The following IQCJ variants were observed in gnomAD, a reference collection of about 807,000 sequenced individuals.
IQCJ encodes the protein IQ domain-containing protein J.
IQCJ carries 9 observed loss-of-function variants against 11.0 expected under a neutral mutation model. That is an observed-to-expected ratio of 0.82 (90% confidence interval 0.49 to 1.43). IQCJ has a LOEUF of 1.43. IQCJ is among the 40% of genes most tolerant of loss of function. The pLI, the probability that IQCJ is intolerant of heterozygous loss-of-function variation, is 0.00. For missense variants in IQCJ, 146 were observed against 133.2 expected (o/e 1.10, Z -0.47); for synonymous variants, 55 against 51.3 (o/e 1.07, Z -0.31).
chr3:159,108,703 C>T (rs1718425645), intron 1 of IQCJ, among the ~76,000 whole-genome samples: 1 of 152,116 alleles, frequency 6.6e-6, no homozygotes, highest in African/African-American at 2.4e-5. Flanking sequence ...AAATTTCATC[C>T]CCCAAGACTG....
At chr3:159,252,646 T>A in intron 2 of IQCJ, 81 bp from the exon 3 acceptor site, 1 of 1,221,496 alleles carries the variant, frequency 8.2e-7, no homozygotes. Flanking sequence ...ATTTTACACA[T>A]AAGTATAAAT....
chr3:159,092,576 T>C (rs138888529), intron 1 of IQCJ, among the ~76,000 whole-genome samples: 5,125 of 151,608 alleles, frequency 0.034, 168 homozygotes, highest in Middle Eastern at 0.1. Context: ...CAGGCATCTG[T>C]AGTCCCAGCT....
intron 1 of IQCJ, among the ~76,000 whole-genome samples, chr3:159,198,990 C>A (rs777048116): frequency 6.6e-6 from 1 of 152,166 alleles, no homozygotes; most frequent in Non-Finnish European, 1.5e-5. Flanking sequence ...AAGAAATATT[C>A]ACTTAGAATA....
chr3:159,259,682 A>G (rs1368569025), intron 3 of IQCJ, among the ~76,000 whole-genome samples: 8 of 152,232 alleles, frequency 5.3e-5, no homozygotes, highest in Non-Finnish European at 1.2e-4. Context: ...ACATGTAAAC[A>G]CTTTTCTATG....
intron 1 of IQCJ, among the ~76,000 whole-genome samples, chr3:159,101,722 A>G (rs746121856): frequency 2.6e-5 from 4 of 152,168 alleles, no homozygotes; most frequent in Non-Finnish European, 5.9e-5. Context: ...CTTTGTGTTC[A>G]GGTTTCACCA....
chr3:159,095,470 T>TACTC (rs1254383063), intron 1 of IQCJ, among the ~76,000 whole-genome samples: 58 of 137,592 alleles, frequency 4.2e-4, no homozygotes, highest in African/African-American at 1.4e-3. Context: ...CCCACTAGTG[T>TACTC]GTCATCTAGC....
chr3:159,116,557 C>T (rs1446737326), intron 1 of IQCJ, among the ~76,000 whole-genome samples: 1 of 142,798 alleles, frequency 7.0e-6, no homozygotes, highest in Non-Finnish European at 1.5e-5. Flanking sequence ...AATCTGTTAA[C>T]ATGCATTTCT....
At chr3:159,085,070 C>A (rs1371692457) in intron 1 of IQCJ, among the ~76,000 whole-genome samples, 1 of 151,772 alleles carries the variant, frequency 6.6e-6, no homozygotes, top group Admixed American at 6.6e-5. Flanking sequence ...CTCCCCTCTC[C>A]CCCCACCCCA....
At chr3:159,141,489 A>C (rs1037642355) in intron 1 of IQCJ, among the ~76,000 whole-genome samples, 6 of 152,234 alleles carry the variant, frequency 3.9e-5, no homozygotes, top group Admixed American at 3.3e-4. Flanking sequence ...GAATTTTGAC[A>C]ATCAAGATGA....
chr3:159,139,988 A>C (rs1178505089), intron 1 of IQCJ, among the ~76,000 whole-genome samples: 2 of 152,154 alleles, frequency 1.3e-5, no homozygotes, highest in Non-Finnish European at 2.9e-5. Context: ...TTTTTTAAAA[A>C]ATTTAAATAG....
At chr3:159,117,281 T>A (rs149401079) in intron 1 of IQCJ, among the ~76,000 whole-genome samples, 102 of 152,300 alleles carry the variant, frequency 6.7e-4, no homozygotes, top group African/African-American at 2.3e-3. Context: ...CTATTTCCAT[T>A]GCTGGAGATG....
At chr3:159,258,513 C>A (rs1029837474) in intron 3 of IQCJ, among the ~76,000 whole-genome samples, 1 of 152,064 alleles carries the variant, frequency 6.6e-6, no homozygotes, top group African/African-American at 2.4e-5. Flanking sequence ...AATCATGGTG[C>A]CTCCCTCACA....
intron 1 of IQCJ, among the ~76,000 whole-genome samples, chr3:159,222,229 A>C (rs1300933217): frequency 1.3e-5 from 2 of 152,186 alleles, no homozygotes; most frequent in South Asian, 4.1e-4. Context: ...ACAGTAGCCA[A>C]GATACAGAAA....
chr3:159,151,452 C>T (rs977937690), intron 1 of IQCJ, among the ~76,000 whole-genome samples: 1 of 152,210 alleles, frequency 6.6e-6, no homozygotes, highest in Admixed American at 6.5e-5. Flanking sequence ...GCTGGACAGC[C>T]TGTCTTTCTT....
At chr3:159,206,545 C>G (rs921241181) in intron 1 of IQCJ, among the ~76,000 whole-genome samples, 1 of 152,140 alleles carries the variant, frequency 6.6e-6, no homozygotes, top group Non-Finnish European at 1.5e-5. Context: ...CAGGGTCTCT[C>G]TCCTTGAAAC....
At chr3:159,137,107 C>T (rs1463666557) in intron 1 of IQCJ, among the ~76,000 whole-genome samples, 2 of 151,966 alleles carry the variant, frequency 1.3e-5, no homozygotes, top group South Asian at 2.1e-4. Flanking sequence ...ACTAAAAATA[C>T]AAGAATTAGC....
intron 1 of IQCJ, among the ~76,000 whole-genome samples, chr3:159,187,561 G>A (rs1383860693): frequency 2.0e-5 from 3 of 152,212 alleles, no homozygotes; most frequent in Admixed American, 6.5e-5. Flanking sequence ...GCGGTCAGGC[G>A]GCCACAAGCC....
At chr3:159,253,851 A>T (rs1300658126) in intron 3 of IQCJ, among the ~76,000 whole-genome samples, 2 of 152,256 alleles carry the variant, frequency 1.3e-5, no homozygotes, top group African/African-American at 2.4e-5. Context: ...GAAATCACAC[A>T]AATACATAAT....
At chr3:159,151,353 A>G (rs551864049) in intron 1 of IQCJ, among the ~76,000 whole-genome samples, 133 of 152,186 alleles carry the variant, frequency 8.7e-4, no homozygotes, top group Non-Finnish European at 1.7e-3. Flanking sequence ...TCTAGAATCC[A>G]GCCTATTTGG....
Sources: gnomAD v4.1 joint callset for allele counts (sites outside exome capture counted in the v4.1 genomes callset) on GRCh38, gnomAD v4.1.1 for gene constraint, MANE v1.5 for transcripts, NCBI Gene and HGNC (gene_info 2026-07-23, HGNC 2026-07-21) for gene names.